The following KIAA0513 variants were observed in gnomAD, a reference collection of about 807,000 sequenced individuals.
KIAA0513 encodes KIAA0513.
In KIAA0513, 39 loss-of-function variants were observed where a neutral mutation model predicts 56.5. That is an observed-to-expected ratio of 0.69 (90% CI 0.53 to 0.90). The LOEUF (loss-of-function observed/expected upper bound fraction) is 0.90. Ranked by LOEUF, KIAA0513 falls within the 40% of genes least tolerant of loss-of-function variation. The probability of loss-of-function intolerance (pLI) is 0.00; values close to 1 mark genes in which losing one functional copy is unlikely to be tolerated. For missense variants in KIAA0513, 591 were observed against 535.2 expected, an observed-to-expected ratio of 1.10 and a Z score of -1.03; for synonymous variants, 268 against 215.6, an observed-to-expected ratio of 1.24 and a Z score of -2.13.
chr16:85,074,335 T>C (rs985289028), intron 4 of KIAA0513, among the ~76,000 whole-genome samples: 13 of 130,778 alleles, frequency 9.9e-5, no homozygotes, highest in African/African-American at 2.1e-4. Context: ...CACGTATATA[T>C]ACACACATAC....
At chr16:85,034,507 G>C (rs902096503) in intron 1 of KIAA0513, among the ~76,000 whole-genome samples, 1 of 152,044 alleles carries the variant, frequency 6.6e-6, no homozygotes, top group African/African-American at 2.4e-5. Flanking sequence ...GTGGGGAAAG[G>C]GCTTTTATTT....
Position 85,072,917 on chromosome 16 carries a change from C to T in KIAA0513, c.430-8C>T. The stretch of plus-strand genomic sequence containing the variant: ...ACCTCAATGATGTGTCTGCCTCTTT[C>T]TGGACAGCGCTGCAACTCCAAGTGT... On this transcript the variant is annotated splice_polypyrimidine_tract_variant and splice_region_variant and intron_variant, in intron 3 of 12. Coordinates refer to ENST00000683363, the MANE Select transcript of KIAA0513 (RefSeq NM_001388359.1). 6.2e-7 allele frequency: 1 copy of T among 1,614,056 alleles called. No homozygotes were observed. The highest frequency in any genetic ancestry group is 8.5e-7 in the Non-Finnish European group (1 of 1,179,896).
At chr16:85,067,486 C>T in intron 2 of KIAA0513, 86 bp downstream of exon 2, 1 of 1,094,058 alleles carries the variant, frequency 9.1e-7, no homozygotes. Context: ...TGCCTCTCCC[C>T]AGGGTGCCAC....
At chr16:85,030,145 C>G (rs1225994820) in intron 1 of KIAA0513, among the ~76,000 whole-genome samples, 2 of 152,214 alleles carry the variant, frequency 1.3e-5, no homozygotes, top group Admixed American at 6.5e-5. Flanking sequence ...CCGCCCCAAG[C>G]TTGAGGTAGT....
chr16:85,052,485 G>A (rs1375246762), intron 1 of KIAA0513, among the ~76,000 whole-genome samples: 1 of 152,218 alleles, frequency 6.6e-6, no homozygotes, highest in African/African-American at 2.4e-5. Context: ...TTGCACTCCA[G>A]CCTGGGCAAC....
chr16:85,084,056 A>ATT (rs66814882), intron 10 of KIAA0513, among the ~76,000 whole-genome samples: 24 of 70,770 alleles, frequency 3.4e-4, no homozygotes, highest in African/African-American at 7.1e-4. Flanking sequence ...AACTCTTCTA[A>ATT]TTTTTTTTTT....
At chr16:85,068,826 C>T (rs527974423) in intron 2 of KIAA0513, among the ~76,000 whole-genome samples, 2 of 152,240 alleles carry the variant, frequency 1.3e-5, no homozygotes, top group Admixed American at 6.5e-5. Context: ...CCTCCGCCAA[C>T]GCTTGTCTCA....
chr16:85,031,607 GA>G (rs1278224314), intron 1 of KIAA0513, among the ~76,000 whole-genome samples: 2 of 152,156 alleles, frequency 1.3e-5, no homozygotes, highest in Non-Finnish European at 2.9e-5. Flanking sequence ...CAGCTTCATT[GA>G]CTGCTGCTGT....
At position 85,078,415 on chromosome 16, in the gene KIAA0513, G is replaced by T. The variant is rs867987962; in HGVS notation, c.783G>T (p.Glu261Asp). The change falls in exon 7 of 13, where the codon GAG becomes GAT. Residue 261 changes from glutamate (E) to aspartate (D), a missense_variant and splice_region_variant. Physicochemically the swap from Glu to Asp is conservative, Grantham distance 45. Coordinates refer to ENST00000683363, the MANE Select transcript of KIAA0513 (RefSeq NM_001388359.1). The stretch of plus-strand genomic sequence containing the variant: ...CATCATTGTGCCTTCTCTCCCTCAG[G>T]GAAGACGAGAACAAACCCCAGGAGA... ...KLKGPLARRNEEDENKPQEKR... is the reference protein window; with the variant it reads ...KLKGPLARRNDEDENKPQEKR... 3 of 1,614,000 alleles carry T rather than the reference G, an allele frequency of 1.9e-6. No homozygotes were observed. In the East Asian group the frequency reaches 6.7e-5, roughly 36 times the overall value.
intron 1 of KIAA0513, among the ~76,000 whole-genome samples, chr16:85,050,967 G>T (rs13334914): frequency 0.073 from 11,046 of 152,128 alleles, 427 homozygotes; most frequent in African/African-American, 0.11. Flanking sequence ...ACCAGCCTGG[G>T]TAACACAGTA....
At chr16:85,084,430 T>TC (rs1491390028) in intron 10 of KIAA0513, among the ~76,000 whole-genome samples, 27 of 75,140 alleles carry the variant, frequency 3.6e-4, no homozygotes, top group African/African-American at 1.3e-3. Flanking sequence ...TTTCGTTCTC[T>TC]TTTTTTTTTT....
intron 1 of KIAA0513, among the ~76,000 whole-genome samples, chr16:85,051,381 A>C (rs1329760087): frequency 6.6e-6 from 1 of 152,212 alleles, no homozygotes; most frequent in Non-Finnish European, 1.5e-5. Flanking sequence ...TTAGTGGAGA[A>C]GAACTGCATT....
chr16:85,081,400 C>G lies in KIAA0513; in HGVS notation c.980+8C>G, dbSNP rs760330007. 9.6e-6 allele frequency: 15 copies of G among 1,556,256 alleles called. No homozygotes were observed. The highest frequency in any genetic ancestry group is 2.7e-5 in the African/African-American group (2 of 73,200). On this transcript the variant is annotated splice_region_variant and intron_variant, in intron 9 of 12. Coordinates refer to ENST00000683363, the MANE Select transcript of KIAA0513 (RefSeq NM_001388359.1). This position sits in a 1 kb window ranked among gnomAD's most constrained non-coding sequence, Gnocchi z 4.4. The stretch of plus-strand genomic sequence containing the variant: ...GCGATCTCCCACTACCAGGTAGGAG[C>G]AAAGTGTGGCCCCATTTGGCCTCAG...
At chr16:85,072,189 C>T (rs2073587340) in intron 3 of KIAA0513, among the ~76,000 whole-genome samples, 1 of 151,908 alleles carries the variant, frequency 6.6e-6, no homozygotes, top group Non-Finnish European at 1.5e-5. Flanking sequence ...CCCCCCTCCC[C>T]GCATCTCTAA....
intron 1 of KIAA0513, among the ~76,000 whole-genome samples, chr16:85,052,251 T>A (rs538629201): frequency 6.6e-6 from 1 of 151,672 alleles, no homozygotes; most frequent in African/African-American, 2.4e-5. Flanking sequence ...ACCCTGGAGG[T>A]GGAGGTTGCA....
At chr16:85,070,525 A>G (rs977554985) in intron 2 of KIAA0513, among the ~76,000 whole-genome samples, 1 of 152,154 alleles carries the variant, frequency 6.6e-6, no homozygotes, top group South Asian at 2.1e-4. Context: ...TAAAAACACA[A>G]AAATTAGCTG....
At chr16:85,050,858 A>G (rs1292098819) in intron 1 of KIAA0513, among the ~76,000 whole-genome samples, 1 of 152,186 alleles carries the variant, frequency 6.6e-6, no homozygotes, top group Non-Finnish European at 1.5e-5. Context: ...ACAGGCGTTT[A>G]CAAATGGACC....
At chr16:85,049,347 A>C (rs1195209104) in intron 1 of KIAA0513, among the ~76,000 whole-genome samples, 1 of 152,192 alleles carries the variant, frequency 6.6e-6, no homozygotes, top group Non-Finnish European at 1.5e-5. Flanking sequence ...GCGGGAGCTG[A>C]GCACCAAATC....
chr16:85,071,861 T>C lies in KIAA0513; in HGVS notation c.408T>C (p.Phe136=). 2 of 1,612,860 alleles carry C rather than the reference T, an allele frequency of 1.2e-6. No homozygotes were observed. Among genetic ancestry groups the C allele is most frequent in the South Asian group, 2.2e-5 (2 of 91,028 alleles). ...SSENGKGREW[F]ARYVSAQRCN... ...AAAATGGAAAAGGCCGGGAGTGGTT[T>C]GCTCGATACGTGAGTGCCCAGGTAA... Residue 136 remains phenylalanine, a synonymous_variant, in exon 3 of 13, where the codon TTT becomes TTC. Transcript: ENST00000683363.
Sources: gnomAD v4.1 joint callset for allele counts (sites outside exome capture counted in the v4.1 genomes callset) on GRCh38, gnomAD v4.1.1 for gene constraint, Gnocchi (gnomAD v3.1) non-coding constraint, MANE v1.5 for transcripts, NCBI Gene and HGNC (gene_info 2026-07-23, HGNC 2026-07-21) for gene names.